Variants in DENND2B observed in about 807,000 individuals in gnomAD.
The protein encoded by DENND2B is DENN domain-containing protein 2B.
A neutral mutation model predicts 116.0 loss-of-function variants in DENND2B; 32 were observed. That is an observed-to-expected ratio of 0.28 (90% CI 0.21 to 0.37). DENND2B has a LOEUF of 0.37. DENND2B is among the 10% of genes least tolerant of loss of function. The pLI, the probability that DENND2B is intolerant of heterozygous loss-of-function variation, is 1.00. For synonymous variants in DENND2B, 588 were observed against 583.9 expected, an observed-to-expected ratio of 1.01 and a Z score of -0.10; for missense variants, 1,276 against 1,477.7, an observed-to-expected ratio of 0.86 and a Z score of 2.24.
At chr11:8,835,130 G>A (rs939496568) in intron 4 of DENND2B, among the ~76,000 whole-genome samples, 6 of 152,122 alleles carry the variant, frequency 3.9e-5, no homozygotes, top group Non-Finnish European at 7.4e-5. Context: ...TGTGGTCCCA[G>A]CTACTCGGGA....
intron 13 of DENND2B, among the ~76,000 whole-genome samples, chr11:8,705,637 C>G (rs1437557716): frequency 6.6e-6 from 1 of 151,950 alleles, no homozygotes; most frequent in Non-Finnish European, 1.5e-5. Context: ...GACTCTTGCT[C>G]TTCCTCCTCA....
At chr11:8,862,233 A>T (rs892740874) in intron 2 of DENND2B, among the ~76,000 whole-genome samples, 2 of 152,034 alleles carry the variant, frequency 1.3e-5, no homozygotes, top group Non-Finnish European at 2.9e-5. Flanking sequence ...TTAAAAATAA[A>T]TACATAAATA....
At chr11:8,727,399 G>A (rs2047256494) in intron 3 of DENND2B, among the ~76,000 whole-genome samples, 2 of 152,108 alleles carry the variant, frequency 1.3e-5, no homozygotes, top group South Asian at 4.1e-4. Context: ...TCTTTATATT[G>A]ACATCTCCTC....
intron 2 of DENND2B, among the ~76,000 whole-genome samples, chr11:8,858,947 A>G (rs1267633178): frequency 1.3e-5 from 2 of 152,224 alleles, no homozygotes; most frequent in Admixed American, 6.5e-5. Context: ...GGCAGCCAGT[A>G]AACATTCCAT....
upstream of DENND2B, chr11:8,811,610 C>T (rs1360836526): frequency 4.0e-5 from 14 of 346,738 alleles, no homozygotes; most frequent in Non-Finnish European, 7.2e-5. Context: ...CTCCCCCCTA[C>T]CCAGCATACA....
chr11:8,730,590 C>G lies in DENND2B; in HGVS notation c.700G>C (p.Glu234Gln). 1.2e-6 allele frequency: 2 copies of G among 1,613,174 alleles called. No homozygotes were observed. Among genetic ancestry groups the G allele is most frequent in the Non-Finnish European group, 1.7e-6 (2 of 1,180,016 alleles). ...TCCTCAGTCTCTGGGTAGGAACACT[C>G]GGAGAAGGTCCTGCTCATCCTCCGG... Reference protein sequence around the residue: ...GLRRMSRTFSECSYPETEEEG... With the variant: ...GLRRMSRTFSQCSYPETEEEG... Residue 234 changes from glutamate (E) to glutamine (Q), a missense_variant, in exon 3 of 20, where the codon GAG (glutamate) becomes CAG (glutamine). By Grantham distance (29) the Glu-to-Gln change is conservative (BLOSUM62 2). Transcript: ENST00000313726. This position sits in a 1 kb window ranked among gnomAD's most constrained non-coding sequence, Gnocchi z 4.1.
At chr11:8,887,397 C>A (rs1436866215) in intron 1 of DENND2B, among the ~76,000 whole-genome samples, 1 of 152,132 alleles carries the variant, frequency 6.6e-6, no homozygotes, top group African/African-American at 2.4e-5. Context: ...AGTATTTTCC[C>A]TCTCTCCCCA....
At chr11:8,710,738 TA>T in intron 11 of DENND2B, 106 bp downstream of exon 11, 1 of 1,192,588 alleles carries the variant, frequency 8.4e-7, no homozygotes, top group Non-Finnish European at 1.2e-6. Context: ...TCATACAAGC[TA>T]AAATTGCAGA....
At chr11:8,714,748 A>G in intron 6 of DENND2B, 42 bp from the exon 7 acceptor site, 1 of 1,551,948 alleles carries the variant, frequency 6.4e-7, no homozygotes, top group Non-Finnish European at 8.9e-7. Context: ...CCTTAACACC[A>G]GCTGCCCTAC....
At chr11:8,806,605 A>AAAACACACACACACACACACAC (rs372362474) in intron 1 of DENND2B, among the ~76,000 whole-genome samples, 44 of 118,576 alleles carry the variant, frequency 3.7e-4, no homozygotes, top group African/African-American at 8.9e-4. Context: ...CTCCCTTCAA[A>AAAACACACACACACACACACAC]ACACACACAC....
upstream of DENND2B, among the ~76,000 whole-genome samples, chr11:8,873,805 T>A (rs2063816290): frequency 6.6e-6 from 1 of 152,168 alleles, no homozygotes; most frequent in Non-Finnish European, 1.5e-5. Context: ...ACACTCCTCA[T>A]AAGGTTACAA....
chr11:8,859,811 G>A (rs992792709), intron 2 of DENND2B, among the ~76,000 whole-genome samples: 8 of 152,098 alleles, frequency 5.3e-5, no homozygotes, highest in Non-Finnish European at 8.8e-5. Flanking sequence ...GCTGACCAAA[G>A]AAGTTACACC....
Position 8,707,196 on chromosome 11 carries a change from C to G in DENND2B, c.2460G>C (p.Gly820=). Residue 820 remains glycine, a synonymous_variant, in exon 13 of 20, where the codon GGG becomes GGC. Transcript: ENST00000313726. This position sits in a 1 kb window ranked among gnomAD's most constrained non-coding sequence, Gnocchi z 4.8. The part of the protein sequence containing the change: ...KVLDEVERRR[G]ISAALVYPFM... ...AAGGATAGACCAATGCAGCGGAGATCCCACGCCGGCGCTCCACCTCATCTA... is the reference window on the plus strand; with the variant it reads ...AAGGATAGACCAATGCAGCGGAGATGCCACGCCGGCGCTCCACCTCATCTA... 1 of 1,613,134 alleles carries G rather than the reference C, an allele frequency of 6.2e-7. No homozygotes were observed. Among genetic ancestry groups the G allele is most frequent in the Non-Finnish European group, 8.5e-7 (1 of 1,179,422 alleles).
chr11:8,698,541 C>T (rs1203411159), intron 16 of DENND2B, among the ~76,000 whole-genome samples: 3 of 152,196 alleles, frequency 2.0e-5, no homozygotes, highest in East Asian at 1.9e-4. Flanking sequence ...CAAACCTGTA[C>T]GTTACATAAC....
At chr11:8,743,121 TGTGTGTGTGTGTGA>T (rs1314773120) in intron 2 of DENND2B, among the ~76,000 whole-genome samples, 2 of 151,360 alleles carry the variant, frequency 1.3e-5, no homozygotes, top group African/African-American at 2.4e-5. Flanking sequence ...TTATTGAGTA[TGTGTGTGTGTGTGA>T]GTGTGTGTGT....
chr11:8,711,241 A>G lies in DENND2B; in HGVS notation c.2173-10T>C. 1 of 1,613,034 alleles carries G rather than the reference A, an allele frequency of 6.2e-7. No individual in the cohort carries two copies. Among genetic ancestry groups the G allele is most frequent in the Non-Finnish European group, 8.5e-7 (1 of 1,179,688 alleles). ...TGGTGGGTCGGTCCAGCTGCAGGGAAGAAGGAACCAGGAGATGACATGGAA... is the reference window on the plus strand; with the variant it reads ...TGGTGGGTCGGTCCAGCTGCAGGGAGGAAGGAACCAGGAGATGACATGGAA... On this transcript the variant is annotated splice_polypyrimidine_tract_variant and intron_variant, in intron 9 of 19. Coordinates refer to ENST00000313726, the MANE Select transcript of DENND2B (RefSeq NM_213618.2).
intron 2 of DENND2B, among the ~76,000 whole-genome samples, chr11:8,857,640 G>C (rs1232711630): frequency 2.0e-5 from 3 of 152,094 alleles, no homozygotes; most frequent in African/African-American, 7.2e-5. Flanking sequence ...TCTGCCTCTG[G>C]GCCTTTGCTC....
At chr11:8,807,966 C>A (rs145332663) in intron 1 of DENND2B, 1 of 152,142 alleles carries the variant, frequency 6.6e-6, no homozygotes, top group East Asian at 1.9e-4. Context: ...GTATGCCATA[C>A]GCCCTTTCGA....
intron 1 of DENND2B, among the ~76,000 whole-genome samples, chr11:8,750,998 C>CTAG (rs1424060918): frequency 6.6e-6 from 1 of 152,186 alleles, no homozygotes; most frequent in Non-Finnish European, 1.5e-5. Context: ...CACCAATCAG[C>CTAG]ACCCTATGTC....
Sources: gnomAD v4.1 joint callset for allele counts (sites outside exome capture counted in the v4.1 genomes callset) on GRCh38, gnomAD v4.1.1 for gene constraint, Gnocchi (gnomAD v3.1) non-coding constraint, MANE v1.5 for transcripts, NCBI Gene and HGNC (gene_info 2026-07-23, HGNC 2026-07-21) for gene names.